APPL1: variants seen among roughly 807,000 people sequenced by gnomAD.
The protein encoded by APPL1 is DCC-interacting protein 13-alpha.
A neutral mutation model predicts 106.8 loss-of-function variants in APPL1; 42 were observed. The observed-to-expected ratio is 0.39, with a 90% CI of 0.31 to 0.51. The LOEUF (loss-of-function observed/expected upper bound fraction) is 0.51. APPL1 is among the 20% of genes least tolerant of loss of function. The probability of loss-of-function intolerance (pLI) is 0.75; values close to 1 mark genes in which losing one functional copy is unlikely to be tolerated. For synonymous variants in APPL1, 263 were observed against 281.8 expected, an observed-to-expected ratio of 0.93 and a Z score of 0.67; for missense variants, 769 against 858.2, an observed-to-expected ratio of 0.90 and a Z score of 1.30.
intron 7 of APPL1, among the ~76,000 whole-genome samples, chr3:57,243,271 CAT>C (rs1448395120): frequency 1.3e-5 from 2 of 152,102 alleles, no homozygotes; most frequent in African/African-American, 2.4e-5. Context: ...TGGTCACACA[CAT>C]AATGAAATTC....
intron 17 of APPL1, 37 bp downstream of exon 17, chr3:57,260,056 AC>A (rs1559513214): frequency 1.2e-6 from 2 of 1,607,556 alleles, no homozygotes; most frequent in Admixed American, 3.4e-5. Flanking sequence ...TGTAGAAAAA[AC>A]ATTTACATGA....
Position 57,271,777 on chromosome 3 carries a change from A to C in APPL1, c.*2090A>C, listed in dbSNP as rs1216646186. On this transcript the variant is annotated 3_prime_UTR_variant, in exon 22 of 22. Coordinates refer to ENST00000288266, the MANE Select transcript of APPL1 (RefSeq NM_012096.3). ...GTAGTTCGTTTTAAGTCATGTTCACAGGAATTTCTACAATAATAAACCCAT... is the reference window on the plus strand; with the variant it reads ...GTAGTTCGTTTTAAGTCATGTTCACCGGAATTTCTACAATAATAAACCCAT... The C allele has an allele frequency of 6.6e-6, 1 of 152,264 alleles. No homozygotes were observed. The highest frequency in any genetic ancestry group is 2.4e-5 in the African/African-American group (1 of 41,476). 9.4% of individuals were successfully genotyped at this position (152,264 alleles called of 1,614,324 possible). A position where few individuals can be genotyped will look rare whatever the true frequency, so the allele number is the denominator to read the frequency against.
At chr3:57,234,932 G>A (rs1402141310) in intron 1 of APPL1, among the ~76,000 whole-genome samples, 2 of 152,148 alleles carry the variant, frequency 1.3e-5, no homozygotes, top group African/African-American at 2.4e-5. Flanking sequence ...TGAGATTACA[G>A]GCATGAACTA....
chr3:57,241,968 C>T (rs1448900721), intron 5 of APPL1, 133 bp from the exon 6 acceptor site: 3 of 592,516 alleles, frequency 5.1e-6, no homozygotes, highest in East Asian at 3.2e-5. Flanking sequence ...CACAGAGTAG[C>T]TTTTTCACCC....
chr3:57,237,895 T>C (rs896470569), intron 3 of APPL1, 150 bp from the exon 4 acceptor site: 1 of 617,926 alleles, frequency 1.6e-6, no homozygotes. Context: ...GTTTATTATA[T>C]ACATTACACA....
Position 57,264,564 on chromosome 3 carries a change from A to T in APPL1, c.1843-3178A>T, listed in dbSNP as rs571075679. On this transcript the variant is annotated intron_variant, in intron 19 of 21. Coordinates refer to ENST00000288266, the MANE Select transcript of APPL1 (RefSeq NM_012096.3). ...ATTTTAATTATATTTAAAAAAATTT[A>T]AAAAAAAATAAAAAAAATAAAAAAA... 8.1e-3 allele frequency among the ~76,000 whole-genome samples: 1,198 copies of T among 147,228 alleles called. 9 individuals carry two copies. Among genetic ancestry groups the T allele is most frequent in the Middle Eastern group, 0.014 (4 of 286 alleles).
At chr3:57,268,528 G>GA (rs2060911261) in intron 21 of APPL1, 41 bp downstream of exon 21, 1 of 1,541,762 alleles carries the variant, frequency 6.5e-7, no homozygotes, top group Non-Finnish European at 8.7e-7. Context: ...TGTTGTTTGT[G>GA]AAGACTTAAT....
Position 57,237,489 on chromosome 3 carries a change from T to C in APPL1, c.154-3T>C, listed in dbSNP as rs778259109. 6.3e-7 allele frequency: 1 copy of C among 1,597,204 alleles called. No individual in the cohort carries two copies. Among genetic ancestry groups the C allele is most frequent in the Non-Finnish European group, 8.5e-7 (1 of 1,173,054 alleles). On this transcript the variant is annotated splice_polypyrimidine_tract_variant and splice_region_variant and intron_variant, in intron 2 of 21. Transcript: ENST00000288266. ...TATGCTAATTTGAATGCTTTTTCCATAGAATGAATTAAGTGCAGCAACACA... is the reference window on the plus strand; with the variant it reads ...TATGCTAATTTGAATGCTTTTTCCACAGAATGAATTAAGTGCAGCAACACA...
intron 12 of APPL1, 146 bp downstream of exon 12, chr3:57,252,457 G>A (rs2060809819): frequency 1.6e-6 from 1 of 616,478 alleles, no homozygotes; most frequent in Non-Finnish European, 2.8e-6. Context: ...TTTTGTAAAA[G>A]TCTATTGTCC....
chr3:57,251,381 G>A (rs1277048512), intron 11 of APPL1, among the ~76,000 whole-genome samples: 3 of 151,494 alleles, frequency 2.0e-5, no homozygotes, highest in African/African-American at 7.3e-5. Flanking sequence ...AAAATTATCT[G>A]GGCATGGTGG....
At chr3:57,229,499 G>A (rs2060674276) in intron 1 of APPL1, among the ~76,000 whole-genome samples, 1 of 151,198 alleles carries the variant, frequency 6.6e-6, no homozygotes, top group Admixed American at 6.6e-5. Context: ...TTACAAGCAT[G>A]CATCATACTA....
intron 10 of APPL1, 69 bp from the exon 11 acceptor site, chr3:57,249,291 T>G: frequency 6.5e-7 from 1 of 1,541,852 alleles, no homozygotes; most frequent in Non-Finnish European, 8.9e-7. Context: ...ATGCTTTATC[T>G]TGTGTCTAGC....
chr3:57,257,605 C>T (rs2060844279), intron 15 of APPL1, among the ~76,000 whole-genome samples, 177 bp downstream of exon 15: 1 of 152,158 alleles, frequency 6.6e-6, no homozygotes, highest in African/African-American at 2.4e-5. Flanking sequence ...TCTATGTCTT[C>T]TGCCTCAGTT....
At chr3:57,240,063 G>A (rs2060736908) in intron 4 of APPL1, among the ~76,000 whole-genome samples, 1 of 149,406 alleles carries the variant, frequency 6.7e-6, no homozygotes, top group Non-Finnish European at 1.5e-5. Context: ...AGTTGTAAAA[G>A]TTCTCTTTCT....
chr3:57,252,110 GT>G, intron 11 of APPL1, among the ~76,000 whole-genome samples, 158 bp from the exon 12 acceptor site: 1 of 152,206 alleles, frequency 6.6e-6, no homozygotes, highest in African/African-American at 2.4e-5. Context: ...ACCTCTGGTG[GT>G]CTCCTTTTCC....
chr3:57,252,764 C>T (rs1297649926), intron 12 of APPL1, among the ~76,000 whole-genome samples: 4 of 152,160 alleles, frequency 2.6e-5, no homozygotes, highest in African/African-American at 9.6e-5. Context: ...AGTCTCTGTT[C>T]TTCCTCATGA....
chr3:57,262,137 T>C (rs1335189082), intron 19 of APPL1, among the ~76,000 whole-genome samples: 1 of 152,120 alleles, frequency 6.6e-6, no homozygotes, highest in East Asian at 1.9e-4. Context: ...GTTGAGTTCG[T>C]TGTATATTCT....
intron 1 of APPL1, among the ~76,000 whole-genome samples, chr3:57,231,282 T>C (rs1001974270): frequency 6.0e-5 from 8 of 132,862 alleles, no homozygotes; most frequent in African/African-American, 2.3e-4. Flanking sequence ...GGGGTTGCAG[T>C]GAGCCGAAAT....
At chr3:57,240,433 T>G in intron 4 of APPL1, 32 bp from the exon 5 acceptor site, 1 of 1,532,118 alleles carries the variant, frequency 6.5e-7, no homozygotes, top group Non-Finnish European at 9.0e-7. Flanking sequence ...CTGTGTATAG[T>G]TATTTGGCCT....
Sources: gnomAD v4.1 joint callset for allele counts (sites outside exome capture counted in the v4.1 genomes callset) on GRCh38, gnomAD v4.1.1 for gene constraint, MANE v1.5 for transcripts, NCBI Gene and HGNC (gene_info 2026-07-23, HGNC 2026-07-21) for gene names.